PHF20: variants seen among roughly 807,000 people sequenced by gnomAD.
The protein encoded by PHF20 is glioma-expressed antigen 2.
PHF20 carries 23 observed loss-of-function variants against 113.5 expected under a neutral mutation model. That is an observed-to-expected ratio of 0.20 (90% CI 0.15 to 0.29). The LOEUF (loss-of-function observed/expected upper bound fraction) is 0.29, where lower values mean the gene tolerates loss of function less well. Among genes scored for constraint, PHF20 ranks in the 10% least tolerant of loss-of-function variants. The pLI is 1.00. For synonymous variants in PHF20, 434 were observed against 457.3 expected (o/e 0.95, Z 0.65); for missense variants, 943 against 1,219.6 (o/e 0.77, Z 3.38).
chr20:35,827,415 T>TA (rs2042279976), intron 2 of PHF20, among the ~76,000 whole-genome samples: 2 of 152,258 alleles, frequency 1.3e-5, no homozygotes, highest in Non-Finnish European at 2.9e-5. Context: ...AGTAGACTAT[T>TA]ACATGGCTAA....
At chr20:35,893,046 C>T (rs1422970003) in intron 9 of PHF20, among the ~76,000 whole-genome samples, 1 of 152,234 alleles carries the variant, frequency 6.6e-6, no homozygotes, top group Non-Finnish European at 1.5e-5. Flanking sequence ...TCCTGAGGAG[C>T]ATCCGTGCTC....
At chr20:35,877,584 T>TTC (rs1451017715) in intron 9 of PHF20, among the ~76,000 whole-genome samples, 4 of 151,224 alleles carry the variant, frequency 2.6e-5, no homozygotes, top group African/African-American at 9.7e-5. Flanking sequence ...CACTTTCTTT[T>TTC]TTTTTTTTTT....
intron 9 of PHF20, among the ~76,000 whole-genome samples, chr20:35,879,138 C>CT (rs34032634): frequency 1.3e-4 from 19 of 151,692 alleles, no homozygotes; most frequent in African/African-American, 3.1e-4. Context: ...GTTAATTTAA[C>CT]TTTTTTTTTG....
At chr20:35,895,565 G>T (rs550327752) in intron 9 of PHF20, among the ~76,000 whole-genome samples, 62 of 152,070 alleles carry the variant, frequency 4.1e-4, no homozygotes, top group African/African-American at 1.4e-3. Context: ...TTTTAGGAAA[G>T]AATTGGATGT....
chr20:35,892,265 G>T (rs2054887749), intron 9 of PHF20, among the ~76,000 whole-genome samples: 1 of 147,042 alleles, frequency 6.8e-6, no homozygotes, highest in East Asian at 2.0e-4. Flanking sequence ...AGTAGAGACG[G>T]GGTTTCACCA....
chr20:35,786,018 C>A (rs1487536118), intron 1 of PHF20, among the ~76,000 whole-genome samples: 3 of 141,392 alleles, frequency 2.1e-5, no homozygotes, highest in African/African-American at 8.0e-5. Flanking sequence ...GGCGACAGAG[C>A]GCAACTCCAT....
At chr20:35,798,291 T>G (rs2146858894) in intron 1 of PHF20, among the ~76,000 whole-genome samples, 1 of 152,122 alleles carries the variant, frequency 6.6e-6, no homozygotes, top group East Asian at 1.9e-4. Context: ...CTTGCACCTG[T>G]AGTCCCAGGT....
At chr20:35,838,534 T>A (rs2042481774) in intron 2 of PHF20, 1 of 152,152 alleles carries the variant, frequency 6.6e-6, no homozygotes, top group Admixed American at 6.5e-5. Flanking sequence ...CCCACATTTC[T>A]TAGAAATCTT....
chr20:35,783,817 A>G (rs1171572701), intron 1 of PHF20, among the ~76,000 whole-genome samples: 2 of 151,604 alleles, frequency 1.3e-5, no homozygotes, highest in Non-Finnish European at 2.9e-5. Context: ...CCCCATCTCT[A>G]CTAAAAATAC....
In PHF20 at chr20:35,870,954, G is replaced by A; in HGVS notation, c.923-1G>A. Reference sequence around the variant, plus strand: ...CTACAACTCTCTTAATGGTTTAATAGCCCAGGAAAAGTCAAAAAACTACTC... The same window carrying A: ...CTACAACTCTCTTAATGGTTTAATAACCCAGGAAAAGTCAAAAAACTACTC... On this transcript the variant is annotated splice_acceptor_variant, in intron 7 of 17. Coordinates refer to ENST00000374012, the MANE Select transcript of PHF20 (RefSeq NM_016436.5). LOFTEE classifies it high-confidence loss of function. The A allele has an allele frequency of 6.3e-7, 1 of 1,591,002 alleles. No individual in the cohort carries two copies. Among genetic ancestry groups the A allele is most frequent in the Non-Finnish European group, 8.5e-7 (1 of 1,173,610 alleles).
At chr20:35,889,813 C>G (rs1249485262) in intron 9 of PHF20, among the ~76,000 whole-genome samples, 1 of 152,040 alleles carries the variant, frequency 6.6e-6, no homozygotes, top group Non-Finnish European at 1.5e-5. Flanking sequence ...ACTGCAACCT[C>G]TGTCCCCAGG....
intron 14 of PHF20, among the ~76,000 whole-genome samples, chr20:35,928,268 A>G (rs538092241): frequency 2.7e-4 from 41 of 152,072 alleles, no homozygotes; most frequent in Admixed American, 2.6e-3. Flanking sequence ...GTGAAACTCC[A>G]TCTCTACTAA....
chr20:35,871,534 T>G, intron 8 of PHF20, 116 bp from the exon 9 acceptor site: 1 of 799,790 alleles, frequency 1.3e-6, no homozygotes, highest in Admixed American at 3.3e-5. Flanking sequence ...TGCTTTTATG[T>G]TTTAGATTAA....
rs148716053 is a variant in PHF20 at position 35,938,930 on chromosome 20, G to A, written c.2534G>A (p.Arg845His). The A allele has an allele frequency of 4.3e-6, 7 of 1,614,072 alleles. No homozygotes were observed. The highest frequency in any genetic ancestry group is 1.3e-5 in the African/African-American group (1 of 74,932). Reference sequence around the variant, plus strand: ...AGTGAGCATTGCTACCAGAAGCCCCGCGCCTATTACCCTGCCGTGGAGCAG... The same window carrying A: ...AGTGAGCATTGCTACCAGAAGCCCCACGCCTATTACCCTGCCGTGGAGCAG... ...ITSEHCYQKP[R>H]AYYPAVEQKL... Residue 845 changes from arginine to histidine, a missense_variant, in exon 16 of 18, where the codon CGC (arginine) becomes CAC (histidine). Physicochemically the swap from Arg to His is conservative, Grantham distance 29. This residue lies in a region of PHF20 where 349 missense variants were observed against 412.3 expected (regional missense o/e 0.85). Transcript: ENST00000374012.
At chr20:35,869,074 G>C (rs2054370510) in intron 6 of PHF20, among the ~76,000 whole-genome samples, 1 of 151,822 alleles carries the variant, frequency 6.6e-6, no homozygotes, top group Admixed American at 6.6e-5. Flanking sequence ...TTGGGTGACA[G>C]AGCGAGACTC....
chr20:35,807,105 C>CT (rs896359894), intron 2 of PHF20, among the ~76,000 whole-genome samples: 5 of 151,894 alleles, frequency 3.3e-5, no homozygotes, highest in African/African-American at 1.2e-4. Flanking sequence ...AACCTTTACT[C>CT]TTTAATGTGA....
At chr20:35,837,050 G>A (rs1394867887) in intron 2 of PHF20, among the ~76,000 whole-genome samples, 4 of 151,890 alleles carry the variant, frequency 2.6e-5, no homozygotes, top group Non-Finnish European at 5.9e-5. Context: ...GGTGGCGTGA[G>A]CCTGTAGTCC....
chr20:35,852,545 C>G (rs1372703075), intron 4 of PHF20, among the ~76,000 whole-genome samples: 1 of 151,878 alleles, frequency 6.6e-6, no homozygotes, highest in Non-Finnish European at 1.5e-5. Context: ...GGCATGCCCA[C>G]AAACATATGC....
chr20:35,810,396 A>G (rs1184241421), intron 2 of PHF20, among the ~76,000 whole-genome samples: 2 of 152,126 alleles, frequency 1.3e-5, no homozygotes, highest in East Asian at 3.8e-4. Context: ...TTACACTGTC[A>G]TGCCCACCTT....
Sources: allele counts gnomAD v4.1 joint callset (sites outside exome capture counted in the v4.1 genomes callset), GRCh38; gene constraint gnomAD v4.1.1; regional missense constraint gnomAD v4.1.1; transcripts MANE v1.5; gene names NCBI Gene and HGNC (gene_info 2026-07-23, HGNC 2026-07-21).